Variants in DIP2C observed in about 807,000 individuals in gnomAD.
The protein encoded by DIP2C is disco-interacting protein 2 homolog C.
DIP2C carries 33 observed loss-of-function variants against 192.4 expected under a neutral mutation model. The ratio of observed to expected loss-of-function variants is 0.17; its 90% CI spans 0.13 to 0.23. DIP2C has a LOEUF of 0.23. Ranked by LOEUF, DIP2C falls within the 10% of genes least tolerant of loss-of-function variation. The pLI, the probability that DIP2C is intolerant of heterozygous loss-of-function variation, is 1.00. For synonymous variants in DIP2C, 979 were observed against 864.1 expected, an observed-to-expected ratio of 1.13 and a Z score of -2.33; for missense variants, 1,537 against 2,110.1, an observed-to-expected ratio of 0.73 and a Z score of 5.32.
At chr10:393,787 A>AG (rs1963692235) in intron 10 of DIP2C, among the ~76,000 whole-genome samples, 1 of 148,052 alleles carries the variant, frequency 6.8e-6, no homozygotes, top group South Asian at 2.1e-4. Context: ...TCAAAAAAAA[A>AG]AAAAAAAAAG....
At chr10:300,837 C>A (rs1225767886) in intron 32 of DIP2C, among the ~76,000 whole-genome samples, 1 of 152,018 alleles carries the variant, frequency 6.6e-6, no homozygotes, top group Non-Finnish European at 1.5e-5. Flanking sequence ...GAAACCGGAT[C>A]CAGGGGCGGC....
chr10:383,960 C>G, intron 16 of DIP2C, 67 bp downstream of exon 16: 1 of 1,316,652 alleles, frequency 7.6e-7, no homozygotes, highest in Non-Finnish European at 9.6e-7. Flanking sequence ...CTGCCTGCCT[C>G]ACGAAAAAAA....
At chr10:457,932 C>T (rs1038320164) in intron 3 of DIP2C, among the ~76,000 whole-genome samples, 1 of 152,220 alleles carries the variant, frequency 6.6e-6, no homozygotes. Flanking sequence ...CCCACAGCTG[C>T]GGCCCCAGAG....
At chr10:467,209 T>G (rs1412684954) in intron 3 of DIP2C, among the ~76,000 whole-genome samples, 4 of 151,840 alleles carry the variant, frequency 2.6e-5, no homozygotes, top group Non-Finnish European at 5.9e-5. Context: ...AGCCATAAAA[T>G]GATGAGTTCA....
intron 17 of DIP2C, chr10:369,843 A>G (rs1156285534): frequency 8.3e-6 from 11 of 1,323,448 alleles, no homozygotes; most frequent in East Asian, 2.6e-5. Flanking sequence ...CCGCCTCTAC[A>G]TTCCCAGGGA....
intron 2 of DIP2C, among the ~76,000 whole-genome samples, chr10:482,255 T>G (rs183535578): frequency 6.2e-4 from 95 of 152,258 alleles, no homozygotes; most frequent in African/African-American, 2.3e-3. Context: ...AAGTCCGTAT[T>G]TGTGATTTGA....
chr10:627,248 G>A (rs966439128), intron 1 of DIP2C, among the ~76,000 whole-genome samples: 4 of 152,216 alleles, frequency 2.6e-5, no homozygotes, highest in Non-Finnish European at 5.9e-5. Context: ...GTCATGCCCC[G>A]GGCAAGAAGG....
chr10:380,124 CGTGCAGAAGAGGCTGTCCCTGG>C (rs2132870120), intron 17 of DIP2C, among the ~76,000 whole-genome samples: 1 of 141,562 alleles, frequency 7.1e-6, no homozygotes, highest in East Asian at 2.3e-4. Flanking sequence ...AGATGGTTAA[CGTGCAGAAGAGGCTGTCCCTGG>C]ATGATGGTTA....
chr10:564,128 T>C (rs892637953), intron 1 of DIP2C, among the ~76,000 whole-genome samples: 1 of 152,150 alleles, frequency 6.6e-6, no homozygotes, highest in Non-Finnish European at 1.5e-5. Context: ...GGGGAGCAAA[T>C]TCTCAGACCC....
chr10:413,757 C>T (rs377210191), intron 8 of DIP2C, among the ~76,000 whole-genome samples, 156 bp downstream of exon 8: 20 of 149,132 alleles, frequency 1.3e-4, no homozygotes, highest in African/African-American at 4.7e-4. Flanking sequence ...GAGCTTCGTG[C>T]GTTCGGGAGT....
intron 1 of DIP2C, among the ~76,000 whole-genome samples, chr10:518,509 C>T (rs952426213): frequency 2.0e-5 from 3 of 152,116 alleles, no homozygotes; most frequent in East Asian, 1.9e-4. Context: ...GATGAGTTCC[C>T]GAAGCTGGAG....
chr10:644,586 A>G (rs1470703957), intron 1 of DIP2C, among the ~76,000 whole-genome samples: 4 of 152,264 alleles, frequency 2.6e-5, no homozygotes, highest in African/African-American at 9.6e-5. Flanking sequence ...TGCAGCTGAA[A>G]CAACGTCCGG....
chr10:319,856 T>G (rs926149800), intron 31 of DIP2C, among the ~76,000 whole-genome samples: 4 of 152,360 alleles, frequency 2.6e-5, no homozygotes, highest in African/African-American at 9.6e-5. Context: ...AGTTCACTTC[T>G]CAGGGCCTTC....
chr10:376,508 A>AG (rs34002965), intron 17 of DIP2C, among the ~76,000 whole-genome samples: 36 of 111,670 alleles, frequency 3.2e-4, no homozygotes, highest in Non-Finnish European at 4.9e-4. Context: ...TGGGGTTGGG[A>AG]GGGGGGGTCT....
chr10:646,684 A>G (rs1360429779), intron 1 of DIP2C, among the ~76,000 whole-genome samples: 1 of 152,274 alleles, frequency 6.6e-6, no homozygotes, highest in Non-Finnish European at 1.5e-5. Flanking sequence ...CACCATATTA[A>G]GCCAAGCAAC....
intron 2 of DIP2C, among the ~76,000 whole-genome samples, chr10:480,833 G>A (rs7096725): frequency 0.83 from 126,391 of 152,272 alleles, 55,865 homozygotes; most frequent in Non-Finnish European, 0.97. Context: ...GAGCACGGCT[G>A]ATCTGGAACA....
chr10:362,805 G>A, intron 21 of DIP2C, 114 bp from the exon 22 acceptor site: 2 of 1,173,660 alleles, frequency 1.7e-6, no homozygotes, highest in Non-Finnish European at 2.3e-6. Context: ...TATAAGCACT[G>A]TTCCCAGCAT....
At position 601,732 on chromosome 10, in the gene DIP2C, G is replaced by A. The variant is rs536268181; in HGVS notation, c.85+87762C>T. On this transcript the variant is annotated intron_variant, in intron 1 of 36. Coordinates refer to ENST00000280886, the MANE Select transcript of DIP2C (RefSeq NM_014974.3). ...ACTGCAGGCCTGCCAGCATCTCAGGGCCAGCCGAAACTGTTCTCTCCTTCA... is the reference window on the plus strand; with the variant it reads ...ACTGCAGGCCTGCCAGCATCTCAGGACCAGCCGAAACTGTTCTCTCCTTCA... Among the ~76,000 whole-genome samples, 6 of 152,320 alleles carry A rather than the reference G, an allele frequency of 3.9e-5. No individual in the cohort carries two copies. The East Asian group carries it at 9.6e-4, about 24-fold the overall frequency.
chr10:416,591 G>A (rs1965652722), intron 6 of DIP2C, among the ~76,000 whole-genome samples: 1 of 152,146 alleles, frequency 6.6e-6, no homozygotes, highest in Non-Finnish European at 1.5e-5. Flanking sequence ...ACCTATCCAA[G>A]TGGACCGAGA....
Sources: allele counts gnomAD v4.1 joint callset (sites outside exome capture counted in the v4.1 genomes callset), GRCh38; gene constraint gnomAD v4.1.1; transcripts MANE v1.5; gene names NCBI Gene and HGNC (gene_info 2026-07-23, HGNC 2026-07-21).